The following STK32B variants were observed in gnomAD, a reference collection of about 807,000 sequenced individuals.
The protein encoded by STK32B is serine/threonine kinase 32B.
Under a neutral mutation model 52.6 loss-of-function variants are expected in STK32B, and 43 were observed. The observed-to-expected ratio is 0.82, with a 90% CI of 0.64 to 1.05. The LOEUF is 1.05. Among genes scored for constraint, STK32B ranks in the 50% least tolerant of loss-of-function variants. STK32B has a pLI of 0.00. For missense variants in STK32B, 621 were observed against 534.6 expected (o/e 1.16, Z -1.59); for synonymous variants, 238 against 204.3 (o/e 1.17, Z -1.41).
the STK32B span, among the ~76,000 whole-genome samples, chr4:5,020,454 T>C: frequency 6.6e-6 from 1 of 152,278 alleles, no homozygotes; most frequent in African/African-American, 2.4e-5. Flanking sequence ...TCGGAGCTAA[T>C]AGCACTGTCT....
chr4:5,419,680 T>C (rs1041425545), intron 6 of STK32B, among the ~76,000 whole-genome samples: 8 of 152,236 alleles, frequency 5.3e-5, no homozygotes, highest in African/African-American at 1.9e-4. Flanking sequence ...CTTGTCACTG[T>C]TGTGTTTTGC....
intron 3 of STK32B, among the ~76,000 whole-genome samples, chr4:5,201,824 T>C (rs1201205685): frequency 6.6e-6 from 1 of 152,240 alleles, no homozygotes; most frequent in African/African-American, 2.4e-5. Context: ...ACTGGTCCCA[T>C]GATCAGATCA....
chr4:5,100,889 C>G (rs1266961275), intron 1 of STK32B, among the ~76,000 whole-genome samples: 1 of 148,626 alleles, frequency 6.7e-6, no homozygotes, highest in Non-Finnish European at 1.5e-5. Context: ...TTCCTTCTTC[C>G]TTTCTTTTCC....
At chr4:5,461,208 G>C (rs942238871) in intron 9 of STK32B, among the ~76,000 whole-genome samples, 2 of 152,186 alleles carry the variant, frequency 1.3e-5, no homozygotes, top group Non-Finnish European at 2.9e-5. Context: ...CCGCTCACCT[G>C]TCCTTGCCCT....
intron 1 of STK32B, among the ~76,000 whole-genome samples, chr4:5,079,624 C>T (rs892855062): frequency 6.6e-6 from 1 of 152,086 alleles, no homozygotes; most frequent in African/African-American, 2.4e-5. Context: ...ATGGAAACTC[C>T]ATCTTTTGAG....
intron 1 of STK32B, among the ~76,000 whole-genome samples, chr4:5,102,825 G>T (rs925904034): frequency 9.6e-5 from 14 of 146,414 alleles, no homozygotes; most frequent in African/African-American, 3.3e-4. Context: ...TTACAGGCGT[G>T]AGTCACCGCA....
At chr4:5,417,078 T>C in intron 6 of STK32B, 144 bp downstream of exon 6, 1 of 702,130 alleles carries the variant, frequency 1.4e-6, no homozygotes, top group South Asian at 2.1e-5. Context: ...GTAGATACAA[T>C]GCTCCCTCGA....
chr4:5,239,662 A>T (rs1008673725), intron 3 of STK32B, among the ~76,000 whole-genome samples: 2 of 152,176 alleles, frequency 1.3e-5, no homozygotes, highest in African/African-American at 4.8e-5. Context: ...GTCCAGAGGC[A>T]TGAGAGGGGT....
intron 2 of STK32B, among the ~76,000 whole-genome samples, chr4:5,155,308 T>C (rs1234275133): frequency 1.3e-5 from 2 of 152,180 alleles, no homozygotes; most frequent in Non-Finnish European, 2.9e-5. Flanking sequence ...TGTGATTCTA[T>C]TATGTGTTTA....
rs200685626 is a variant in STK32B at position 5,181,361 on chromosome 4, C to CAT, written c.260+12912_260+12913insTA. ...ACACACACACACACACACACACACA[C>CAT]ACACACAGAGATCTCATTAAGGATG... On this transcript the variant is annotated intron_variant, in intron 3 of 11. Transcript: ENST00000282908. 9.1e-4 allele frequency among the ~76,000 whole-genome samples: 96 copies of CAT among 105,012 alleles called. 2 individuals carry two copies. The East Asian group carries it at 0.022, about 24-fold the overall frequency. 68.9% of individuals were successfully genotyped at this position (105,012 alleles called of 152,430 possible). A position where few individuals can be genotyped will look rare whatever the true frequency, so the allele number is the denominator to read the frequency against.
At chr4:5,095,290 T>C (rs1031216481) in intron 1 of STK32B, among the ~76,000 whole-genome samples, 1 of 152,152 alleles carries the variant, frequency 6.6e-6, no homozygotes, top group Non-Finnish European at 1.5e-5. Flanking sequence ...GATATGGTTT[T>C]AAGCGTATTA....
chr4:5,184,698 G>GAAA (rs1720616543), intron 3 of STK32B, among the ~76,000 whole-genome samples: 2 of 85,904 alleles, frequency 2.3e-5, no homozygotes, highest in African/African-American at 4.5e-5. Context: ...AAAAAAAAAA[G>GAAA]AAGAAGAAGA....
rs1467072520 is a variant in STK32B, at chr4:5,448,682, A to G, written c.666+1906A>G. Among the ~76,000 whole-genome samples, 3 of 152,264 alleles carry G rather than the reference A, an allele frequency of 2.0e-5. No individual in the cohort carries two copies. In the East Asian group the frequency reaches 5.8e-4, roughly 29 times the overall value. On this transcript the variant is annotated intron_variant, in intron 7 of 11. Transcript: ENST00000282908. The stretch of plus-strand genomic sequence containing the variant: ...CTGAAAGATCCAGATGCTATTTTCA[A>G]GGATGGTGCTTCTTGGAAGAGGAAG...
chr4:5,179,219 A>G (rs1289626024), intron 3 of STK32B, among the ~76,000 whole-genome samples: 4 of 152,214 alleles, frequency 2.6e-5, no homozygotes, highest in Non-Finnish European at 5.9e-5. Context: ...TTATAAAACC[A>G]TCAGGTCTTG....
At chr4:5,343,099 C>A (rs189630101) in intron 4 of STK32B, among the ~76,000 whole-genome samples, 7 of 128,324 alleles carry the variant, frequency 5.5e-5, no homozygotes, top group African/African-American at 1.7e-4. Flanking sequence ...ATCCCTCCCC[C>A]CTCCCCCACC....
intron 1 of STK32B, among the ~76,000 whole-genome samples, chr4:5,064,300 G>C (rs1346197269): frequency 1.4e-5 from 2 of 142,358 alleles, no homozygotes; most frequent in Non-Finnish European, 3.0e-5. Flanking sequence ...TACATGTAAA[G>C]ATATATTTAT....
At chr4:5,446,797 G>A in intron 7 of STK32B, 21 bp downstream of exon 7, 2 of 1,611,276 alleles carry the variant, frequency 1.2e-6, no homozygotes, top group East Asian at 4.5e-5. Flanking sequence ...CACCTGTGCG[G>A]TACACACGAG....
intron 11 of STK32B, 142 bp from the exon 12 acceptor site, chr4:5,498,803 A>AT: frequency 8.0e-7 from 1 of 1,254,094 alleles, no homozygotes. Flanking sequence ...AGCACCGTGG[A>AT]TGCCTTAATG....
At chr4:5,363,460 C>T (rs1185899393) in intron 4 of STK32B, among the ~76,000 whole-genome samples, 1 of 152,178 alleles carries the variant, frequency 6.6e-6, no homozygotes, top group African/African-American at 2.4e-5. Flanking sequence ...GAGCTGTGTC[C>T]TGTGGGTTCT....
Sources: allele counts gnomAD v4.1 joint callset (sites outside exome capture counted in the v4.1 genomes callset), GRCh38; gene constraint gnomAD v4.1.1; transcripts MANE v1.5; gene names NCBI Gene and HGNC (gene_info 2026-07-23, HGNC 2026-07-21).